SLC35F1: variants seen among roughly 807,000 people sequenced by gnomAD.
SLC35F1 encodes the protein solute carrier family 35 member F1.
Under a neutral mutation model 48.7 loss-of-function variants are expected in SLC35F1, and 14 were observed. The observed-to-expected ratio is 0.29, with a 90% CI of 0.19 to 0.45. SLC35F1 has a LOEUF of 0.45. SLC35F1 is among the 20% of genes least tolerant of loss of function. SLC35F1 has a pLI of 1.00. For synonymous variants in SLC35F1, 190 were observed against 202.2 expected (o/e 0.94, Z 0.51); for missense variants, 404 against 500.0 (o/e 0.81, Z 1.83).
chr6:118,155,257 T>C (rs907033132), intron 2 of SLC35F1, among the ~76,000 whole-genome samples: 1 of 152,138 alleles, frequency 6.6e-6, no homozygotes, highest in African/African-American at 2.4e-5. Context: ...TTCAGAGTCA[T>C]GTGATATGCC....
chr6:118,273,830 C>G lies in SLC35F1; in HGVS notation c.638-1629C>G, dbSNP rs1046667834. On this transcript the variant is annotated intron_variant, in intron 4 of 7. Coordinates refer to ENST00000360388, the MANE Select transcript of SLC35F1 (RefSeq NM_001029858.4). Reference sequence around the variant, plus strand: ...TCCAGCTCTCACAAAATCCCATTCTCAGCTCCATTCCCTTGAGGATGACTC... The same window carrying G: ...TCCAGCTCTCACAAAATCCCATTCTGAGCTCCATTCCCTTGAGGATGACTC... Among the ~76,000 whole-genome samples, 4 of 152,206 alleles carry G rather than the reference C, an allele frequency of 2.6e-5. No individual in the cohort carries two copies. The South Asian group carries it at 8.3e-4, about 32-fold the overall frequency.
At chr6:118,016,286 T>C (rs1777321177) in intron 1 of SLC35F1, among the ~76,000 whole-genome samples, 1 of 152,228 alleles carries the variant, frequency 6.6e-6, no homozygotes, top group South Asian at 2.1e-4. Context: ...CACAGTCTGG[T>C]ATCACCACTC....
chr6:118,247,884 G>A lies in SLC35F1; in HGVS notation c.477+12248G>A, dbSNP rs113678884. Among the ~76,000 whole-genome samples the A allele has an allele frequency of 2.6e-4, 38 of 147,776 alleles. 3 individuals are homozygous for A. The highest frequency in any genetic ancestry group is 9.9e-4 in the African/African-American group (37 of 37,286). ...AAATCTCCTTCAGAACCAGTTTTAA[G>A]TCATTTAAGTTTCTTTATAATTTAT... On this transcript the variant is annotated intron_variant, in intron 3 of 7. Transcript: ENST00000360388.
At chr6:118,041,954 A>T (rs1447981975) in intron 1 of SLC35F1, among the ~76,000 whole-genome samples, 1 of 152,002 alleles carries the variant, frequency 6.6e-6, no homozygotes, top group African/African-American at 2.4e-5. Context: ...TTAAAAAAAA[A>T]AAGCATCATC....
intron 1 of SLC35F1, among the ~76,000 whole-genome samples, chr6:118,016,953 T>A (rs1221059585): frequency 6.6e-6 from 1 of 152,208 alleles, no homozygotes; most frequent in Admixed American, 6.5e-5. Flanking sequence ...CAGGATGATT[T>A]TCCTTCCACA....
At chr6:117,993,600 T>C (rs1776947791) in intron 1 of SLC35F1, among the ~76,000 whole-genome samples, 1 of 152,140 alleles carries the variant, frequency 6.6e-6, no homozygotes. Flanking sequence ...TGAGAACTTT[T>C]CTGTATTCCC....
chr6:118,159,212 C>T (rs1431801298), intron 2 of SLC35F1, among the ~76,000 whole-genome samples: 8 of 95,968 alleles, frequency 8.3e-5, no homozygotes, highest in Non-Finnish European at 1.3e-4. Flanking sequence ...TAGAGCGAGA[C>T]TCTGTCTCAA....
intron 1 of SLC35F1, among the ~76,000 whole-genome samples, chr6:118,094,716 C>T (rs909612296): frequency 6.6e-6 from 1 of 151,982 alleles, no homozygotes; most frequent in Non-Finnish European, 1.5e-5. Flanking sequence ...GTCTGTAATC[C>T]CAGCACTTTG....
intron 7 of SLC35F1, among the ~76,000 whole-genome samples, chr6:118,297,411 G>A (rs1776199515): frequency 1.3e-5 from 2 of 152,046 alleles, no homozygotes; most frequent in African/African-American, 2.4e-5. Context: ...AGTGCAATTT[G>A]ACCATTTGTA....
intron 2 of SLC35F1, among the ~76,000 whole-genome samples, chr6:118,193,024 G>A (rs1484120946): frequency 6.6e-6 from 1 of 152,084 alleles, no homozygotes; most frequent in Non-Finnish European, 1.5e-5. Flanking sequence ...TTGATGGAGG[G>A]AAGACTTAGC....
intron 2 of SLC35F1, among the ~76,000 whole-genome samples, chr6:118,222,066 T>A (rs1775158864): frequency 6.6e-6 from 1 of 152,198 alleles, no homozygotes; most frequent in African/African-American, 2.4e-5. Context: ...TTCTCTTATT[T>A]TTATTCATTT....
chr6:117,978,831 A>T (rs1329822493), intron 1 of SLC35F1, among the ~76,000 whole-genome samples: 4 of 152,232 alleles, frequency 2.6e-5, no homozygotes, highest in Non-Finnish European at 5.9e-5. Context: ...CCCATTACTT[A>T]CACTCCAAAA....
chr6:118,281,196 C>A (rs1234440382), intron 6 of SLC35F1, among the ~76,000 whole-genome samples: 114 of 125,252 alleles, frequency 9.1e-4, no homozygotes, highest in African/African-American at 2.0e-3. Context: ...CTCTCTCTCT[C>A]TCTCTCTCTA....
chr6:117,944,689 A>T (rs1776273838), intron 1 of SLC35F1, among the ~76,000 whole-genome samples: 1 of 152,070 alleles, frequency 6.6e-6, no homozygotes, highest in East Asian at 1.9e-4. Flanking sequence ...CTTTACTACC[A>T]TCCCTATGGA....
rs1000008793 is a variant in SLC35F1, at chr6:118,315,168, G to C, written c.*916G>C. On this transcript the variant is annotated 3_prime_UTR_variant, in exon 8 of 8. Coordinates refer to ENST00000360388, the MANE Select transcript of SLC35F1 (RefSeq NM_001029858.4). ...TAGTGATAATATGGAAATTAATCAA[G>C]GCACTGGAAAAAGCCATGGTCCTCT... 1.3e-5 allele frequency: 2 copies of C among 152,430 alleles called. No individual in the cohort carries two copies. The highest frequency in any genetic ancestry group is 2.9e-5 in the Non-Finnish European group (2 of 68,000). The allele number at this position is 152,430 out of a possible 1,614,324, so 9.4% of individuals were successfully genotyped here.
rs999203142 is a variant in SLC35F1 at position 118,013,861 on chromosome 6, A to G, written c.173+105962A>G. ...ATCATGCTTTTTTTCCCCCACTTAC[A>G]TAGAGAATTTCTAGTCACACTACAT... On this transcript the variant is annotated intron_variant, in intron 1 of 7. Coordinates refer to ENST00000360388, the MANE Select transcript of SLC35F1 (RefSeq NM_001029858.4). 2.6e-5 allele frequency among the ~76,000 whole-genome samples: 4 copies of G among 152,192 alleles called. No individual in the cohort carries two copies. In the South Asian group the frequency reaches 6.2e-4, roughly 24 times the overall value.
intron 1 of SLC35F1, among the ~76,000 whole-genome samples, chr6:118,127,429 G>C (rs982652674): frequency 2.6e-5 from 4 of 151,882 alleles, no homozygotes; most frequent in Non-Finnish European, 4.4e-5. Context: ...CAAGGATATT[G>C]GTCTAAAATT....
chr6:118,075,656 T>A (rs1271914167), intron 1 of SLC35F1, among the ~76,000 whole-genome samples: 1 of 152,252 alleles, frequency 6.6e-6, no homozygotes, highest in Non-Finnish European at 1.5e-5. Flanking sequence ...TTTTGATCTA[T>A]CATTGCTTTA....
intron 1 of SLC35F1, chr6:117,999,421 C>T: frequency 5.7e-6 from 9 of 1,588,774 alleles, no homozygotes; most frequent in Non-Finnish European, 7.7e-6. Context: ...CCAAAGGTAC[C>T]CAGGCCCCTA....
Sources: gnomAD v4.1 joint callset for allele counts (sites outside exome capture counted in the v4.1 genomes callset) on GRCh38, gnomAD v4.1.1 for gene constraint, MANE v1.5 for transcripts, NCBI Gene and HGNC (gene_info 2026-07-23, HGNC 2026-07-21) for gene names.